The following MLLT10 variants were observed in gnomAD, a reference collection of about 807,000 sequenced individuals.
MLLT10 encodes MLLT10 histone lysine methyltransferase DOT1L cofactor.
A neutral mutation model predicts 129.1 loss-of-function variants in MLLT10; 30 were observed. That is an observed-to-expected ratio of 0.23 (90% CI 0.17 to 0.32). MLLT10 has a LOEUF of 0.32. MLLT10 is among the 10% of genes least tolerant of loss of function. The pLI is 1.00. For synonymous variants in MLLT10, 490 were observed against 446.4 expected (o/e 1.10, Z -1.23); for missense variants, 1,119 against 1,268.3 (o/e 0.88, Z 1.79).
Position 21,732,947 on chromosome 10 carries a change from G to C in MLLT10, c.2267G>C (p.Arg756Thr), listed in dbSNP as rs1315141265. The change falls in exon 18 of 23, where the codon AGA becomes ACA. Residue 756 changes from arginine to threonine, a missense_variant. By Grantham distance (71) the Arg-to-Thr change is moderately conservative. Around this residue, in one of 5 missense-constraint regions of MLLT10, gnomAD observed 1,004 missense variants for 1,008.7 expected, o/e 1.00. Transcript: ENST00000307729. The stretch of plus-strand genomic sequence containing the variant: ...CACCAACTTCAAGTTGAAAACCGAA[G>C]ATTAGAGGAACAAATTAAAAACTTG... ...SLHQLQVENRRLEEQIKNLTA... is the reference protein window; with the variant it reads ...SLHQLQVENRTLEEQIKNLTA... 6.2e-7 allele frequency: 1 copy of C among 1,613,998 alleles called. No individual in the cohort carries two copies. Among genetic ancestry groups the C allele is most frequent in the South Asian group, 1.1e-5 (1 of 91,048 alleles).
intron 5 of MLLT10, among the ~76,000 whole-genome samples, chr10:21,606,732 A>C (rs1473976052): frequency 6.6e-6 from 1 of 152,238 alleles, no homozygotes; most frequent in Non-Finnish European, 1.5e-5. Context: ...ATGAACAAAG[A>C]AAGTGCTTTC....
At chr10:21,688,409 T>C (rs1003898415) in intron 13 of MLLT10, 6 of 1,142,662 alleles carry the variant, frequency 5.3e-6, no homozygotes, top group Non-Finnish European at 7.9e-6. Context: ...CATAATATCT[T>C]CAGTTTTTCA....
intron 6 of MLLT10, among the ~76,000 whole-genome samples, chr10:21,613,658 T>A (rs1243185): frequency 0.24 from 35,969 of 151,184 alleles, 5,310 homozygotes; most frequent in Middle Eastern, 0.45. Flanking sequence ...TCCCCAGCAC[T>A]TTGAGAGACA....
At chr10:21,598,392 A>G (rs1403579606) in intron 5 of MLLT10, among the ~76,000 whole-genome samples, 1 of 152,172 alleles carries the variant, frequency 6.6e-6, no homozygotes, top group Non-Finnish European at 1.5e-5. Context: ...TTCCTGCTGT[A>G]GTTCTGAAAT....
chr10:21,572,643 C>CA (rs1303022225), intron 3 of MLLT10, among the ~76,000 whole-genome samples: 2 of 151,046 alleles, frequency 1.3e-5, no homozygotes, highest in African/African-American at 4.9e-5. Flanking sequence ...TTTTTTGAGA[C>CA]AGAGTCTTAC....
At chr10:21,617,371 A>G (rs189910288) in intron 8 of MLLT10, among the ~76,000 whole-genome samples, 164 bp downstream of exon 8, 3 of 152,292 alleles carry the variant, frequency 2.0e-5, no homozygotes, top group African/African-American at 4.8e-5. Flanking sequence ...GTTTAATGCC[A>G]TATTTGTGAA....
chr10:21,679,839 G>C (rs1284582753), intron 11 of MLLT10, among the ~76,000 whole-genome samples: 4 of 152,176 alleles, frequency 2.6e-5, no homozygotes. Context: ...ATGAGCATGA[G>C]AGTCATGGGC....
intron 8 of MLLT10, among the ~76,000 whole-genome samples, chr10:21,618,861 T>G (rs1411558240): frequency 6.6e-6 from 1 of 152,028 alleles, no homozygotes; most frequent in Non-Finnish European, 1.5e-5. Context: ...GCCTACCTAG[T>G]AGCTAGGATT....
chr10:21,552,411 A>G (rs1470950312), intron 3 of MLLT10, among the ~76,000 whole-genome samples: 7 of 83,622 alleles, frequency 8.4e-5, no homozygotes, highest in Admixed American at 5.5e-4. Context: ...TTTTTTTGAG[A>G]TGGAGTTTTG....
intron 5 of MLLT10, among the ~76,000 whole-genome samples, chr10:21,603,455 G>C (rs1292420321): frequency 1.3e-5 from 2 of 152,064 alleles, no homozygotes; most frequent in African/African-American, 4.8e-5. Context: ...GTCTGCTTCT[G>C]CTTTTAAAGC....
At chr10:21,562,303 T>C (rs1016529353) in intron 3 of MLLT10, among the ~76,000 whole-genome samples, 1 of 151,888 alleles carries the variant, frequency 6.6e-6, no homozygotes, top group Non-Finnish European at 1.5e-5. Context: ...ATTGAATGTG[T>C]AGATTGCTTT....
intron 3 of MLLT10, among the ~76,000 whole-genome samples, chr10:21,555,157 G>T (rs999662580): frequency 6.6e-6 from 1 of 151,736 alleles, no homozygotes; most frequent in Non-Finnish European, 1.5e-5. Flanking sequence ...TATGCTCTCA[G>T]CTGCTCCTTA....
chr10:21,692,812 T>G (rs2054003703), intron 13 of MLLT10, among the ~76,000 whole-genome samples: 1 of 152,148 alleles, frequency 6.6e-6, no homozygotes, highest in African/African-American at 2.4e-5. Flanking sequence ...AAATCACTGG[T>G]TCAAGAGTAT....
Position 21,626,077 on chromosome 10 carries a change from A to G in MLLT10, c.699+8870A>G, listed in dbSNP as rs1044909621. ...GCAAGGCCTTGATCTTCACTTCATC[A>G]GGTCCCTTTGTGGACTCTTGCACCT... On this transcript the variant is annotated intron_variant, in intron 8 of 22. Coordinates refer to ENST00000307729, the MANE Select transcript of MLLT10 (RefSeq NM_001195626.3). 4.5e-6 allele frequency: 7 copies of G among 1,570,780 alleles called. No individual in the cohort carries two copies. The Admixed American group carries it at 6.7e-5, about 15-fold the overall frequency.
intron 8 of MLLT10, among the ~76,000 whole-genome samples, chr10:21,618,342 GA>G (rs1006969017): frequency 1.7e-4 from 25 of 146,374 alleles, no homozygotes; most frequent in South Asian, 4.3e-4. Context: ...CTAAAAATAC[GA>G]AAAAAAAAAA....
intron 3 of MLLT10, among the ~76,000 whole-genome samples, chr10:21,554,112 G>C (rs1044260153): frequency 6.6e-6 from 1 of 152,148 alleles, no homozygotes; most frequent in Non-Finnish European, 1.5e-5. Flanking sequence ...GTTTTGGAAT[G>C]TGAGTTTAGG....
intron 19 of MLLT10, 49 bp downstream of exon 19, chr10:21,733,641 A>G (rs753124831): frequency 6.8e-7 from 1 of 1,459,866 alleles, no homozygotes; most frequent in Admixed American, 2.5e-5. Flanking sequence ...CTTGTGAATA[A>G]TAGTATATTA....
chr10:21,682,322 C>A, intron 13 of MLLT10, 65 bp downstream of exon 13: 2 of 1,429,084 alleles, frequency 1.4e-6, no homozygotes, highest in South Asian at 1.2e-5. Context: ...TGTAGAGAAT[C>A]TCGATTGAAA....
chr10:21,608,135 T>A (rs1175712054), intron 5 of MLLT10, among the ~76,000 whole-genome samples: 1 of 151,752 alleles, frequency 6.6e-6, no homozygotes, highest in African/African-American at 2.4e-5. Context: ...GCAGGTCATT[T>A]TTCTTGTTCT....
Sources: gnomAD v4.1 joint callset for allele counts (sites outside exome capture counted in the v4.1 genomes callset) on GRCh38, gnomAD v4.1.1 for gene constraint, gnomAD v4.1.1 regional missense constraint, MANE v1.5 for transcripts, NCBI Gene and HGNC (gene_info 2026-07-23, HGNC 2026-07-21) for gene names.